FRMPD1: variants seen among roughly 807,000 people sequenced by gnomAD.
The protein encoded by FRMPD1 is FERM and PDZ domain containing 1, also known as FERM and PDZ domain-containing protein 1.
Under a neutral mutation model 117.8 loss-of-function variants are expected in FRMPD1, and 76 were observed. The observed-to-expected ratio is 0.65, with a 90% CI of 0.54 to 0.78. The LOEUF is 0.78. FRMPD1 is among the 30% of genes least tolerant of loss of function. FRMPD1 has a pLI of 0.00. For synonymous variants in FRMPD1, 783 were observed against 770.4 expected, an observed-to-expected ratio of 1.02 and a Z score of -0.27; for missense variants, 1,786 against 1,964.5, an observed-to-expected ratio of 0.91 and a Z score of 1.72.
chr9:37,639,676 C>G, the FRMPD1 span, among the ~76,000 whole-genome samples: 2 of 152,154 alleles, frequency 1.3e-5, no homozygotes, highest in Admixed American at 1.3e-4. Flanking sequence ...GGCTGGATGA[C>G]TCCAGTGTCT....
At chr9:37,663,514 G>A (rs904363807) in intron 1 of FRMPD1, among the ~76,000 whole-genome samples, 3 of 152,152 alleles carry the variant, frequency 2.0e-5, no homozygotes, top group South Asian at 2.1e-4. Flanking sequence ...GCTCTAGCAG[G>A]CCTCTGGATT....
At chr9:37,715,409 C>T (rs1823077654) in intron 5 of FRMPD1, among the ~76,000 whole-genome samples, 1 of 152,162 alleles carries the variant, frequency 6.6e-6, no homozygotes, top group Admixed American at 6.5e-5. Flanking sequence ...CCTCTGTAAA[C>T]CCTGCTGCCT....
upstream of FRMPD1, among the ~76,000 whole-genome samples, chr9:37,647,800 A>G (rs1824169647): frequency 6.6e-6 from 1 of 152,232 alleles, no homozygotes; most frequent in South Asian, 2.1e-4. Context: ...GGAGGACAAG[A>G]TATTTTTGAC....
intron 5 of FRMPD1, among the ~76,000 whole-genome samples, chr9:37,711,852 G>T (rs554562237): frequency 6.6e-6 from 1 of 152,152 alleles, no homozygotes; most frequent in Non-Finnish European, 1.5e-5. Context: ...CTCACCACAC[G>T]GCAAGGTGTG....
Position 37,740,729 on chromosome 9 carries a change from C to T in FRMPD1, c.2201C>T (p.Pro734Leu), listed in dbSNP as rs147406379. 1,209 of 1,614,088 alleles carry T rather than the reference C, an allele frequency of 7.5e-4. 7 individuals carry two copies. The highest frequency in any genetic ancestry group is 5.9e-3 in the African/African-American group (439 of 75,042). ...ESTASRQGGA[P>L]PAWGQQGWTE... is the part of the protein sequence containing the mutation. ...ACAGCTTCCCGGCAAGGGGGAGCCC[C>T]GCCAGCCTGGGGTCAGCAGGGCTGG... is the stretch of plus-strand genomic sequence containing the variant. Residue 734 changes from proline (P) to leucine (L), a missense_variant, in exon 15 of 16, where the codon CCG becomes CTG. Pro to Leu is a moderately conservative substitution (Grantham distance 98). Transcript: ENST00000377765. The surrounding 1 kb of genome is among the most constrained non-coding windows in gnomAD (Gnocchi z 4.2).
In FRMPD1 at chr9:37,740,140, C is replaced by G. The variant is rs375221527; in HGVS notation, c.1612C>G (p.Pro538Ala). Residue 538 changes from proline (P) to alanine (A), a missense_variant, in exon 15 of 16, where the codon CCT becomes GCT. Transcript: ENST00000377765. The surrounding 1 kb of genome is among the most constrained non-coding windows in gnomAD (Gnocchi z 4.2). The part of the protein sequence containing the change: ...ESSEVDCVLE[P>A]LSDRRLVKLA... ...CTCTGAGGTGGACTGCGTACTCGAA[C>G]CTCTCTCTGACAGGCGCCTGGTGAA... 100 of 1,613,726 alleles carry G rather than the reference C, an allele frequency of 6.2e-5. No individual in the cohort carries two copies. Among genetic ancestry groups the G allele is most frequent in the East Asian group, 4.7e-4 (21 of 44,878 alleles).
the FRMPD1 span, among the ~76,000 whole-genome samples, chr9:37,618,615 G>A: frequency 1.3e-5 from 2 of 152,046 alleles, no homozygotes; most frequent in East Asian, 3.9e-4. Flanking sequence ...CCACAGATTG[G>A]TCCAAATTAA....
chr9:37,706,936 G>GTCCATCCATCCA (rs66686416), intron 2 of FRMPD1, among the ~76,000 whole-genome samples: 39 of 150,164 alleles, frequency 2.6e-4, no homozygotes, highest in African/African-American at 8.8e-4. Context: ...CTGTCAGTCC[G>GTCCATCCATCCA]TCCATCCATC....
the FRMPD1 span, among the ~76,000 whole-genome samples, chr9:37,611,484 C>T: frequency 6.6e-6 from 1 of 152,106 alleles, no homozygotes; most frequent in Admixed American, 6.5e-5. Context: ...TGAAAGGATT[C>T]TGATTTTCAG....
intron 1 of FRMPD1, among the ~76,000 whole-genome samples, chr9:37,682,796 G>C (rs1226982835): frequency 6.6e-6 from 1 of 152,140 alleles, no homozygotes; most frequent in African/African-American, 2.4e-5. Context: ...ACAGAGTTGG[G>C]GTTATTACTT....
At chr9:37,665,983 G>A (rs2057644) in intron 1 of FRMPD1, among the ~76,000 whole-genome samples, 41,644 of 151,978 alleles carry the variant, frequency 0.27, 7,815 homozygotes, top group African/African-American at 0.52. Flanking sequence ...GAATCACTTT[G>A]AATATTAAAG....
intron 2 of FRMPD1, among the ~76,000 whole-genome samples, chr9:37,700,603 T>C (rs1026429686): frequency 6.6e-5 from 10 of 152,208 alleles, no homozygotes; most frequent in African/African-American, 1.9e-4. Flanking sequence ...CCAGAGAATA[T>C]GTGAAGTGCA....
intron 1 of FRMPD1, among the ~76,000 whole-genome samples, chr9:37,676,386 G>T (rs948592688): frequency 2.0e-5 from 3 of 152,120 alleles, no homozygotes; most frequent in African/African-American, 7.2e-5. Context: ...TTAAAGTGGG[G>T]TGACTCAAAC....
intron 1 of FRMPD1, among the ~76,000 whole-genome samples, chr9:37,686,784 C>T (rs541019729): frequency 1.3e-5 from 2 of 152,228 alleles, no homozygotes; most frequent in South Asian, 2.1e-4. Flanking sequence ...TGGAAAGGCT[C>T]GATGGCCTTC....
At chr9:37,736,827 C>G (rs1824149528) in intron 13 of FRMPD1, among the ~76,000 whole-genome samples, 1 of 151,590 alleles carries the variant, frequency 6.6e-6, no homozygotes, top group Non-Finnish European at 1.5e-5. Context: ...GAAGGACCCA[C>G]TGTGTGTGAG....
At chr9:37,723,125 G>T (rs556390244) in intron 6 of FRMPD1, among the ~76,000 whole-genome samples, 1 of 152,208 alleles carries the variant, frequency 6.6e-6, no homozygotes, top group South Asian at 2.1e-4. Flanking sequence ...TTTCATTACA[G>T]GGAATGCAGC....
intron 5 of FRMPD1, among the ~76,000 whole-genome samples, chr9:37,716,120 G>A (rs1823108680): frequency 6.6e-6 from 1 of 152,162 alleles, no homozygotes; most frequent in African/African-American, 2.4e-5. Context: ...AGTACCATGG[G>A]GAGTGGACAT....
At chr9:37,693,930 A>G (rs961763983) in intron 2 of FRMPD1, among the ~76,000 whole-genome samples, 3 of 152,056 alleles carry the variant, frequency 2.0e-5, no homozygotes, top group South Asian at 2.1e-4. Flanking sequence ...GAATTTCTCC[A>G]TAGGACCCCG....
At chr9:37,623,136 C>T in the FRMPD1 span, among the ~76,000 whole-genome samples, 3 of 152,174 alleles carry the variant, frequency 2.0e-5, no homozygotes, top group African/African-American at 7.2e-5. Context: ...ACATGGTAGA[C>T]ACTGTGTTAG....
Sources: gnomAD v4.1 joint callset for allele counts (sites outside exome capture counted in the v4.1 genomes callset) on GRCh38, gnomAD v4.1.1 for gene constraint, Gnocchi (gnomAD v3.1) non-coding constraint, MANE v1.5 for transcripts, NCBI Gene and HGNC (gene_info 2026-07-23, HGNC 2026-07-21) for gene names.